The following SMTN variants were observed in gnomAD, a reference collection of about 807,000 sequenced individuals.
SMTN encodes smoothelin.
Under a neutral mutation model 102.0 loss-of-function variants are expected in SMTN, and 58 were observed. The observed-to-expected ratio is 0.57, with a 90% CI of 0.46 to 0.71. The LOEUF is 0.71. Ranked by LOEUF, SMTN falls within the 30% of genes least tolerant of loss-of-function variation. The pLI is 0.00. For synonymous variants in SMTN, 478 were observed against 497.9 expected (o/e 0.96, Z 0.53); for missense variants, 1,185 against 1,241.7 (o/e 0.95, Z 0.69).
chr22:31,100,019 C>A, intron 19 of SMTN, 123 bp downstream of exon 19: 1 of 927,084 alleles, frequency 1.1e-6, no homozygotes, highest in Non-Finnish European at 1.6e-6. Context: ...GCGGCTGAGA[C>A]CCCCTTCCCC....
upstream of SMTN, among the ~76,000 whole-genome samples, chr22:31,078,925 C>T (rs2042194365): frequency 1.3e-5 from 2 of 152,172 alleles, no homozygotes; most frequent in African/African-American, 4.8e-5. Context: ...ACAGTTTATA[C>T]ACCACTTCCC....
intron 1 of SMTN, chr22:31,064,995 A>G (rs1043499320): frequency 1.4e-5 from 2 of 138,500 alleles, no homozygotes; most frequent in African/African-American, 5.1e-5. Context: ...ACAGCTCCTC[A>G]GCCTCTCGCT....
At chr22:31,066,942 G>T (rs1441706011) in intron 1 of SMTN, 1 of 151,720 alleles carries the variant, frequency 6.6e-6, no homozygotes, top group East Asian at 2.0e-4. Flanking sequence ...TTTTTGTAAA[G>T]ACAGAGTTTT....
intron 18 of SMTN, 25 bp from the exon 19 acceptor site, chr22:31,099,720 T>C (rs1337277420): frequency 6.2e-7 from 1 of 1,610,322 alleles, no homozygotes; most frequent in Admixed American, 1.7e-5. Flanking sequence ...CCCAGGTTCC[T>C]GACCAGTCCT....
At chr22:31,088,835 C>T (rs1235664651) in intron 5 of SMTN, 37 bp from the exon 6 acceptor site, 2 of 1,611,174 alleles carry the variant, frequency 1.2e-6, no homozygotes, top group Non-Finnish European at 1.7e-6. Flanking sequence ...ACAGCACCTC[C>T]CTGTCACTCA....
At chr22:31,104,206 T>G in intron 20 of SMTN, 110 bp from the exon 21 acceptor site, 2 of 1,284,698 alleles carry the variant, frequency 1.6e-6, no homozygotes, top group Non-Finnish European at 1.1e-6. Flanking sequence ...CTGTCTGGAG[T>G]TTATGAAAGA....
chr22:31,083,934 A>G (rs2042482010), intron 2 of SMTN, among the ~76,000 whole-genome samples: 1 of 152,158 alleles, frequency 6.6e-6, no homozygotes, highest in African/African-American at 2.4e-5. Flanking sequence ...GCCCTTATGG[A>G]TTCTGTGGCT....
intron 18 of SMTN, 146 bp from the exon 19 acceptor site, chr22:31,099,599 C>T: frequency 7.3e-6 from 6 of 822,692 alleles, no homozygotes; most frequent in East Asian, 2.6e-5. Context: ...TTGGAGGAGG[C>T]TCATGTTCCA....
intron 19 of SMTN, among the ~76,000 whole-genome samples, 195 bp downstream of exon 19, chr22:31,100,091 G>A (rs1012698613): frequency 1.1e-4 from 16 of 148,798 alleles, no homozygotes; most frequent in African/African-American, 3.7e-4. Flanking sequence ...GGTGCCCGCC[G>A]GAACGAAGGA....
At position 31,091,261 on chromosome 22, in the gene SMTN, A is replaced by G; in HGVS notation, c.1238A>G (p.Glu413Gly). The G allele has an allele frequency of 1.2e-6, 2 of 1,602,454 alleles. No individual in the cohort carries two copies. The highest frequency in any genetic ancestry group is 1.7e-6 in the Non-Finnish European group (2 of 1,174,820). The change falls in exon 10 of 21, where the codon GAG becomes GGG. Residue 413 changes from glutamate (E) to glycine (G), a missense_variant. Glu to Gly is a moderately conservative substitution (Grantham distance 98). This residue lies in a region of SMTN where 1,096 missense variants were observed against 1,112.7 expected (regional missense o/e 0.98). Coordinates refer to ENST00000333137, the MANE Select transcript of SMTN (RefSeq NM_134269.3). Reference sequence around the variant, plus strand: ...GCCCAGCTTCGAAGCTGCCCCCAGGAGGAGGGCCCCAGGGGGCGGGGCTTG... The same window carrying G: ...GCCCAGCTTCGAAGCTGCCCCCAGGGGGAGGGCCCCAGGGGGCGGGGCTTG... ...PLAQLRSCPQ[E>G]EGPRGRGLAA...
chr22:31,085,542 G>A (rs556672284), intron 2 of SMTN, among the ~76,000 whole-genome samples: 1 of 152,332 alleles, frequency 6.6e-6, no homozygotes, highest in African/African-American at 2.4e-5. Flanking sequence ...GGCTCCCCAG[G>A]GGGAGGAAGC....
In SMTN at chr22:31,098,845, G is replaced by GCTGCAGAA. The variant is rs759174500; in HGVS notation, c.2333+6_2333+13dup. 8 of 1,600,090 alleles carry GCTGCAGAA rather than the reference G, an allele frequency of 5.0e-6. No individual in the cohort carries two copies. Among genetic ancestry groups the GCTGCAGAA allele is most frequent in the Non-Finnish European group, 4.2e-6 (5 of 1,177,292 alleles). On this transcript the variant is annotated splice_donor_region_variant and intron_variant, in intron 17 of 20. Transcript: ENST00000333137. The stretch of plus-strand genomic sequence containing the variant: ...GGAGAAGGAGGGCGCGGCCGGGTGA[G>GCTGCAGAA]CTGCAGAAGTGGGCTGGGCAGTGGG...
chr22:31,091,829 A>G lies in SMTN; in HGVS notation c.1614A>G (p.Arg538=). Residue 538 remains arginine, a synonymous_variant, in exon 11 of 21, where the codon CGA becomes CGG. Coordinates refer to ENST00000333137, the MANE Select transcript of SMTN (RefSeq NM_134269.3). ...TSFSHAPPSS[R]GGCSIKMEAE... is the part of the protein sequence containing the mutation. ...TCAGCCATGCCCCCCCCAGTAGCCG[A>G]GGAGGCTGCAGCATCAAGGTGAGCC... 1.9e-6 allele frequency: 3 copies of G among 1,593,872 alleles called. No homozygotes were observed. Among genetic ancestry groups the G allele is most frequent in the Non-Finnish European group, 2.6e-6 (3 of 1,168,958 alleles).
At chr22:31,102,197 A>G (rs1479285197) in intron 20 of SMTN, 1 of 152,136 alleles carries the variant, frequency 6.6e-6, no homozygotes, top group South Asian at 2.1e-4. Context: ...TCCTAAACTA[A>G]CTACCCCATT....
Position 31,091,468 on chromosome 22 carries a change from G to A in SMTN, c.1445G>A (p.Gly482Asp). Residue 482 changes from glycine (G) to aspartate (D), a missense_variant, in exon 10 of 21, where the codon GGC (glycine) becomes GAC (aspartate). Transcript: ENST00000333137. ...ACAGGCCGGGTGCTGCTGCCCACAG[G>A]CAACCAGAGGGCAGGTAGGCGCCCC... ...ASTGRVLLPT[G>D]NQRAELTLGL... The A allele has an allele frequency of 6.6e-7, 1 of 1,520,724 alleles. No individual in the cohort carries two copies. The highest frequency in any genetic ancestry group is 8.8e-7 in the Non-Finnish European group (1 of 1,138,028). The allele number at this position is 1,520,724 out of a possible 1,614,324, so 94.2% of individuals were successfully genotyped here.
chr22:31,104,274 G>A lies in SMTN; in HGVS notation c.*21-42G>A, dbSNP rs115617314. The A allele has an allele frequency of 1.9e-3, 3,078 of 1,601,258 alleles. 55 individuals carry two copies. The African/African-American group carries it at 0.037, about 19-fold the overall frequency. On this transcript the variant is annotated intron_variant, in intron 20 of 20. Transcript: ENST00000333137. ...GGGGTAGAGGGGCGCCACGAGAGGC[G>A]GGTCTGGCGCTGACATCCAACCCCG...
At chr22:31,082,903 T>C in intron 1 of SMTN, 1 of 1,548,188 alleles carries the variant, frequency 6.5e-7, no homozygotes, top group Non-Finnish European at 8.7e-7. Flanking sequence ...GCCCTCCCTG[T>C]TTTGAGGTTT....
At chr22:31,069,718 G>A (rs2041952850) in intron 1 of SMTN, among the ~76,000 whole-genome samples, 1 of 152,216 alleles carries the variant, frequency 6.6e-6, no homozygotes, top group South Asian at 2.1e-4. Context: ...GCACCTAACT[G>A]TGTGCATGGC....
intron 11 of SMTN, among the ~76,000 whole-genome samples, chr22:31,094,958 A>G (rs1422098388): frequency 6.6e-6 from 1 of 152,218 alleles, no homozygotes; most frequent in Non-Finnish European, 1.5e-5. Context: ...AACTGTTGAC[A>G]TTACAGGCAT....
Sources: allele counts gnomAD v4.1 joint callset (sites outside exome capture counted in the v4.1 genomes callset), GRCh38; gene constraint gnomAD v4.1.1; regional missense constraint gnomAD v4.1.1; transcripts MANE v1.5; gene names NCBI Gene and HGNC (gene_info 2026-07-23, HGNC 2026-07-21).